AP4E1: variants seen among roughly 807,000 people sequenced by gnomAD.
AP4E1 encodes AP-4 complex subunit epsilon-1.
In AP4E1, 56 loss-of-function variants were observed where a neutral mutation model predicts 128.2. The ratio of observed to expected loss-of-function variants is 0.44; its 90% CI spans 0.35 to 0.55. The LOEUF (loss-of-function observed/expected upper bound fraction) is 0.55. Among genes scored for constraint, AP4E1 ranks in the 20% least tolerant of loss-of-function variants. The pLI, the probability that AP4E1 is intolerant of heterozygous loss-of-function variation, is 0.00. For missense variants in AP4E1, 1,324 were observed against 1,307.7 expected, an observed-to-expected ratio of 1.01 and a Z score of -0.19; for synonymous variants, 484 against 473.1, an observed-to-expected ratio of 1.02 and a Z score of -0.30.
At chr15:50,996,186 C>A (rs1454154056) in intron 17 of AP4E1, among the ~76,000 whole-genome samples, 1 of 133,146 alleles carries the variant, frequency 7.5e-6, no homozygotes, top group Admixed American at 7.8e-5. Flanking sequence ...TCAGTAGAGA[C>A]GGGGTTTCAC....
In AP4E1 at chr15:50,945,819, T is replaced by C. The variant is rs17599981; in HGVS notation, c.1177-2201T>C. ...AGGAGAAATTTCAGCATCATCCTGA[T>C]ATAAAATGTATAGCTTGTCATTGAC... is the stretch of plus-strand genomic sequence containing the variant. On this transcript the variant is annotated intron_variant, in intron 10 of 20. Coordinates refer to ENST00000261842, the MANE Select transcript of AP4E1 (RefSeq NM_007347.5). 4.6e-3 allele frequency: 3,554 copies of C among 773,112 alleles called. 16 individuals are homozygous for C. The highest frequency in any genetic ancestry group is 5.9e-3 in the Non-Finnish European group (2,483 of 423,322). 47.9% of individuals were successfully genotyped at this position (773,112 alleles called of 1,614,324 possible). A position where few individuals can be genotyped will look rare whatever the true frequency, so the allele number is the denominator to read the frequency against.
chr15:50,930,931 C>G lies in AP4E1; in HGVS notation c.829C>G (p.Leu277Val). ...SVPAPWLQIQ[L>V]LRILGLLGKD... ...GCCAGCACCATGGTTACAAATTCAGCTCTTGAGAATACTGGGACTTCTAGG... is the reference window on the plus strand; with the variant it reads ...GCCAGCACCATGGTTACAAATTCAGGTCTTGAGAATACTGGGACTTCTAGG... The change falls in exon 7 of 21, where the codon CTC (leucine) becomes GTC (valine). Residue 277 changes from leucine to valine, a missense_variant. Physicochemically the swap from Leu to Val is conservative, Grantham distance 32. Coordinates refer to ENST00000261842, the MANE Select transcript of AP4E1 (RefSeq NM_007347.5). The G allele has an allele frequency of 1.2e-6, 2 of 1,614,076 alleles. No homozygotes were observed. Among genetic ancestry groups the G allele is most frequent in the Non-Finnish European group, 1.7e-6 (2 of 1,180,014 alleles).
intron 8 of AP4E1, among the ~76,000 whole-genome samples, chr15:50,939,299 C>T (rs1201865828): frequency 6.6e-6 from 1 of 151,902 alleles, no homozygotes; most frequent in Admixed American, 6.6e-5. Flanking sequence ...ATGGTGAAAC[C>T]CTGTCTCTAC....
intron 15 of AP4E1, among the ~76,000 whole-genome samples, chr15:50,980,358 G>A (rs1440711936): frequency 6.6e-6 from 1 of 152,224 alleles, no homozygotes; most frequent in Admixed American, 6.5e-5. Flanking sequence ...TCTGGTGGAA[G>A]AAATTTCTGT....
intron 17 of AP4E1, among the ~76,000 whole-genome samples, chr15:50,995,097 C>T (rs373888022): frequency 6.6e-6 from 1 of 152,138 alleles, no homozygotes; most frequent in African/African-American, 2.4e-5. Context: ...TGTATCCTCT[C>T]ACTTCTCAGC....
intron 2 of AP4E1, among the ~76,000 whole-genome samples, chr15:50,912,635 A>G (rs1315020259): frequency 6.6e-6 from 1 of 150,978 alleles, no homozygotes; most frequent in African/African-American, 2.4e-5. Flanking sequence ...GTCCCAGCAT[A>G]GCTAGATTAA....
intron 8 of AP4E1, 94 bp downstream of exon 8, chr15:50,934,791 A>T: frequency 1.3e-6 from 1 of 791,346 alleles, no homozygotes; most frequent in East Asian, 2.7e-5. Flanking sequence ...TTCCAATAGA[A>T]TTTTATACAC....
intron 15 of AP4E1, among the ~76,000 whole-genome samples, chr15:50,969,883 T>C (rs1596493360): frequency 6.6e-6 from 1 of 152,154 alleles, no homozygotes; most frequent in African/African-American, 2.4e-5. Context: ...ATGGTCTCGA[T>C]CTCCTGACCT....
At chr15:51,000,160 T>TC (rs1439859505) in intron 19 of AP4E1, among the ~76,000 whole-genome samples, 5 of 149,906 alleles carry the variant, frequency 3.3e-5, no homozygotes, top group Admixed American at 6.6e-5. Flanking sequence ...TTTTTTTTTT[T>TC]TAAACAGGGT....
chr15:50,973,914 T>C (rs150387952), intron 15 of AP4E1, among the ~76,000 whole-genome samples: 1,600 of 152,302 alleles, frequency 0.011, 14 homozygotes, highest in Middle Eastern at 0.027. Context: ...TGATTTCAAT[T>C]ATTTGGGATA....
intron 15 of AP4E1, among the ~76,000 whole-genome samples, chr15:50,979,322 C>A (rs1019728413): frequency 6.6e-6 from 1 of 152,076 alleles, no homozygotes; most frequent in Non-Finnish European, 1.5e-5. Context: ...GCTGATCAGG[C>A]CATGAGGAAT....
chr15:50,951,079 C>T (rs192579165), intron 13 of AP4E1, among the ~76,000 whole-genome samples: 2 of 152,276 alleles, frequency 1.3e-5, no homozygotes, highest in East Asian at 3.9e-4. Flanking sequence ...TTACCACAAA[C>T]TTAGTGGCTT....
intron 3 of AP4E1, among the ~76,000 whole-genome samples, chr15:50,922,801 C>T (rs1347469171): frequency 4.7e-5 from 7 of 150,492 alleles, no homozygotes; most frequent in Non-Finnish European, 8.9e-5. Context: ...TTTTTGAGAC[C>T]GAGTCTTGCT....
At chr15:50,981,803 G>T (rs1033534795) in intron 15 of AP4E1, among the ~76,000 whole-genome samples, 2 of 151,872 alleles carry the variant, frequency 1.3e-5, no homozygotes, top group African/African-American at 4.8e-5. Context: ...AAGCAAGTTC[G>T]GGCCAGATGC....
At position 50,992,313 on chromosome 15, in the gene AP4E1, T is replaced by A. The variant is rs375651210; in HGVS notation, c.2091-1057T>A. 1.3e-4 allele frequency among the ~76,000 whole-genome samples: 20 copies of A among 152,280 alleles called. No homozygotes were observed. The East Asian group carries it at 1.9e-3, about 15-fold the overall frequency. On this transcript the variant is annotated intron_variant, in intron 16 of 20. Transcript: ENST00000261842. ...GTTAAGTTTTGGAGGAGTCAAAAGT[T>A]ACATGTGGATTTTTGACAACACAAG...
chr15:50,993,480 AAG>A lies in AP4E1; in HGVS notation c.2206_2207del (p.Ser736TyrfsTer11). 6.2e-7 allele frequency: 1 copy of A among 1,614,010 alleles called. No homozygotes were observed. The highest frequency in any genetic ancestry group is 8.5e-7 in the Non-Finnish European group (1 of 1,179,970). ...GAAAGTGGAGCTCTGCCTGTTCCTC[AAG>A]AGAGTATAATGGAGAATGTAGATCA... On this transcript the variant is annotated frameshift_variant, in exon 17 of 21. Transcript: ENST00000261842. LOFTEE classifies it high-confidence loss of function.
rs568152909 is a variant in AP4E1 at position 50,922,140 on chromosome 15, A to G, written c.347-1791A>G. ...CTGGGCGTTTGAGACCAGCCTGGGT[A>G]ACATAGTGAGACCCTATCTCTACAA... On this transcript the variant is annotated intron_variant, in intron 3 of 20. Coordinates refer to ENST00000261842, the MANE Select transcript of AP4E1 (RefSeq NM_007347.5). Among the ~76,000 whole-genome samples, 8 of 147,948 alleles carry G rather than the reference A, an allele frequency of 5.4e-5. No individual in the cohort carries two copies. In the East Asian group the frequency reaches 1.6e-3, roughly 30 times the overall value.
chr15:50,909,584 A>C (rs1387259742), intron 1 of AP4E1, among the ~76,000 whole-genome samples: 1 of 152,248 alleles, frequency 6.6e-6, no homozygotes, highest in Non-Finnish European at 1.5e-5. Flanking sequence ...AACTTTTAAA[A>C]TTTTTAAATT....
chr15:50,938,553 C>G (rs1265805809), intron 8 of AP4E1, among the ~76,000 whole-genome samples: 1 of 152,048 alleles, frequency 6.6e-6, no homozygotes, highest in African/African-American at 2.4e-5. Flanking sequence ...CCCTTCCTTA[C>G]GCTGTCAGAG....
Sources: gnomAD v4.1 joint callset for allele counts (sites outside exome capture counted in the v4.1 genomes callset) on GRCh38, gnomAD v4.1.1 for gene constraint, MANE v1.5 for transcripts, NCBI Gene and HGNC (gene_info 2026-07-23, HGNC 2026-07-21) for gene names.